Variants in TENM2 observed in about 807,000 individuals in gnomAD.
TENM2 encodes teneurin-2.
In TENM2, 52 loss-of-function variants were observed where a neutral mutation model predicts 245.2. The ratio of observed to expected loss-of-function variants is 0.21; its 90% confidence interval spans 0.17 to 0.27. The LOEUF (loss-of-function observed/expected upper bound fraction) is 0.27. TENM2 is among the 10% of genes least tolerant of loss of function. TENM2 has a pLI of 1.00. For synonymous variants in TENM2, 1,363 were observed against 1,438.9 expected (o/e 0.95, Z 1.19); for missense variants, 3,046 against 3,666.8 (o/e 0.83, Z 4.37).
chr5:167,714,154 G>T (rs1759097569), intron 2 of TENM2, among the ~76,000 whole-genome samples: 2 of 152,182 alleles, frequency 1.3e-5, no homozygotes, highest in South Asian at 4.1e-4. Context: ...TTATAGCCAG[G>T]AGTGTGATCA....
intron 3 of TENM2, among the ~76,000 whole-genome samples, chr5:167,942,563 T>C (rs1003759952): frequency 9.9e-5 from 15 of 152,116 alleles, no homozygotes; most frequent in African/African-American, 3.4e-4. Context: ...TGGCAATGCC[T>C]CTTCCTCCCA....
chr5:167,835,312 T>C (rs1768891285), intron 2 of TENM2, among the ~76,000 whole-genome samples: 1 of 152,218 alleles, frequency 6.6e-6, no homozygotes, highest in Non-Finnish European at 1.5e-5. Context: ...TTCTGTTGAA[T>C]GCAGAGCTGC....
At chr5:167,516,302 A>G (rs1450183106) in intron 2 of TENM2, among the ~76,000 whole-genome samples, 13 of 152,116 alleles carry the variant, frequency 8.5e-5, no homozygotes, top group Admixed American at 8.5e-4. Context: ...TCTCAAGTGT[A>G]TTTTCACTTT....
intron 2 of TENM2, among the ~76,000 whole-genome samples, chr5:167,578,919 G>T (rs1774893925): frequency 6.6e-6 from 1 of 152,124 alleles, no homozygotes; most frequent in Admixed American, 6.6e-5. Context: ...ATAATTATTA[G>T]TACAATTAAG....
intron 7 of TENM2, among the ~76,000 whole-genome samples, chr5:168,075,994 CAT>C (rs1278875012): frequency 6.6e-6 from 1 of 152,116 alleles, no homozygotes; most frequent in Non-Finnish European, 1.5e-5. Flanking sequence ...TCCCACGACA[CAT>C]GGGAATTATG....
chr5:167,389,233 T>C lies in TENM2; in HGVS notation c.502+13760T>C, dbSNP rs1761618594. On this transcript the variant is annotated intron_variant, in intron 2 of 28. Transcript: ENST00000518659. ...ATTATGCAAAGCATATGTGCGTATATATATAGTGCATTTAAAATATATATA... is the reference window on the plus strand; with the variant it reads ...ATTATGCAAAGCATATGTGCGTATACATATAGTGCATTTAAAATATATATA... Among the ~76,000 whole-genome samples, 5 of 144,678 alleles carry C rather than the reference T, an allele frequency of 3.5e-5. No individual in the cohort carries two copies. In the South Asian group the frequency reaches 1.1e-3, roughly 32 times the overall value. The allele number at this position is 144,678 out of a possible 152,430, so 94.9% of individuals were successfully genotyped here.
At chr5:167,988,028 C>T (rs1052145943) in intron 4 of TENM2, among the ~76,000 whole-genome samples, 5 of 152,114 alleles carry the variant, frequency 3.3e-5, no homozygotes, top group Non-Finnish European at 7.3e-5. Context: ...TGCCAATGAG[C>T]GGCCTGAGAG....
At position 167,329,093 on chromosome 5, in the gene TENM2, G is replaced by T. The variant is rs150047636; in HGVS notation, c.226+44030G>T. Reference sequence around the variant, plus strand: ...AAGTTGATTGGCCATTTGAAAACAGGTCAGTTGTTGAGTTATTGGCTTCAT... The same window carrying T: ...AAGTTGATTGGCCATTTGAAAACAGTTCAGTTGTTGAGTTATTGGCTTCAT... On this transcript the variant is annotated intron_variant, in intron 1 of 28. Transcript: ENST00000518659. Among the ~76,000 whole-genome samples, 69 of 152,228 alleles carry T rather than the reference G, an allele frequency of 4.5e-4. 1 individual carries two copies. In the East Asian group the frequency reaches 0.013, roughly 28 times the overall value.
chr5:167,975,666 C>A (rs956112062), intron 4 of TENM2, among the ~76,000 whole-genome samples: 1 of 151,998 alleles, frequency 6.6e-6, no homozygotes, highest in African/African-American at 2.4e-5. Context: ...ATGAAGAGTT[C>A]TAAATAAGAA....
intron 2 of TENM2, among the ~76,000 whole-genome samples, chr5:167,558,012 T>G (rs541962465): frequency 6.6e-6 from 1 of 152,310 alleles, no homozygotes; most frequent in African/African-American, 2.4e-5. Flanking sequence ...GCAGGAGGGT[T>G]TATTTTGTTT....
At chr5:167,735,574 A>C (rs1037240978) in intron 2 of TENM2, among the ~76,000 whole-genome samples, 1 of 152,192 alleles carries the variant, frequency 6.6e-6, no homozygotes. Context: ...TGGGAGGCCA[A>C]GGCAGGAGGA....
At chr5:167,082,300 T>C in the TENM2 span, among the ~76,000 whole-genome samples, 1 of 152,266 alleles carries the variant, frequency 6.6e-6, no homozygotes, top group East Asian at 1.9e-4. Context: ...ATTTATTTAT[T>C]TTGGGATGGA....
the TENM2 span, among the ~76,000 whole-genome samples, chr5:167,272,378 G>T: frequency 1.3e-5 from 2 of 152,272 alleles, no homozygotes; most frequent in East Asian, 1.9e-4. Context: ...AAACAGAAAA[G>T]CATGTCACCT....
At chr5:166,999,902 ATGGAACAC>A in the TENM2 span, among the ~76,000 whole-genome samples, 1 of 152,150 alleles carries the variant, frequency 6.6e-6, no homozygotes, top group Admixed American at 6.6e-5. Context: ...AGAGCTGGAG[ATGGAACAC>A]TGGAAAATAC....
At chr5:168,162,868 G>A in intron 13 of TENM2, 111 bp downstream of exon 15, 2 of 1,310,746 alleles carry the variant, frequency 1.5e-6, no homozygotes. Context: ...GTCAAATGTT[G>A]TTGTAACATT....
intron 1 of TENM2, among the ~76,000 whole-genome samples, chr5:167,318,693 A>G (rs1409921050): frequency 1.3e-5 from 2 of 152,170 alleles, no homozygotes; most frequent in Non-Finnish European, 2.9e-5. Flanking sequence ...GGTTTTATTC[A>G]GGATCCTATG....
intron 2 of TENM2, among the ~76,000 whole-genome samples, chr5:167,668,998 T>A (rs1755757730): frequency 6.6e-6 from 1 of 152,164 alleles, no homozygotes; most frequent in Non-Finnish European, 1.5e-5. Flanking sequence ...AGTCGAAGAA[T>A]AAATTAACTG....
At chr5:167,180,103 C>CTTTTTTTTTTTTTTTT in the TENM2 span, among the ~76,000 whole-genome samples, 475 of 114,906 alleles carry the variant, frequency 4.1e-3, 28 homozygotes, top group African/African-American at 0.019. Context: ...TAAGTGCTTC[C>CTTTTTTTTTTTTTTTT]TTTTTTTTTT....
chr5:168,072,474 C>A (rs1187292347), intron 7 of TENM2, among the ~76,000 whole-genome samples: 8 of 152,158 alleles, frequency 5.3e-5, no homozygotes, highest in African/African-American at 1.9e-4. Context: ...AACAAATACT[C>A]ATTGAATGTC....
Sources: gnomAD v4.1 joint callset for allele counts (sites outside exome capture counted in the v4.1 genomes callset) on GRCh38, gnomAD v4.1.1 for gene constraint, MANE v1.5 for transcripts, NCBI Gene and HGNC (gene_info 2026-07-23, HGNC 2026-07-21) for gene names.